Variants in PDE4B observed in about 807,000 individuals in gnomAD.
The protein encoded by PDE4B is phosphodiesterase 4B.
In PDE4B, 20 loss-of-function variants were observed where a neutral mutation model predicts 82.2. The observed-to-expected ratio is 0.24, with a 90% CI of 0.17 to 0.35. The LOEUF is 0.35. PDE4B is among the 10% of genes least tolerant of loss of function. The pLI is 1.00. For missense variants in PDE4B, 655 were observed against 907.2 expected (o/e 0.72, Z 3.57); for synonymous variants, 320 against 318.9 (o/e 1.00, Z -0.04).
intron 1 of PDE4B, among the ~76,000 whole-genome samples, chr1:65,862,668 C>T (rs1273890290): frequency 1.3e-5 from 2 of 152,110 alleles, no homozygotes; most frequent in Non-Finnish European, 2.9e-5. Flanking sequence ...AGCTGTGAAT[C>T]CGTCTGGTCC....
intron 1 of PDE4B, among the ~76,000 whole-genome samples, chr1:65,884,031 TTTTGATGTGCTGCTGGA>T (rs1387819522): frequency 2.0e-5 from 3 of 152,254 alleles, no homozygotes; most frequent in Admixed American, 2.0e-4. Flanking sequence ...TGGATAAGCT[TTTTGATGTGCTGCTGGA>T]TTTGGTTTGC....
chr1:65,985,457 A>G (rs955119486), intron 3 of PDE4B, among the ~76,000 whole-genome samples: 1 of 152,198 alleles, frequency 6.6e-6, no homozygotes, highest in African/African-American at 2.4e-5. Flanking sequence ...AAGACTACTG[A>G]CAAAGTAGGA....
chr1:66,037,956 T>C (rs1654155946), intron 3 of PDE4B, among the ~76,000 whole-genome samples: 1 of 152,150 alleles, frequency 6.6e-6, no homozygotes, highest in South Asian at 2.1e-4. Context: ...ATGGAAGATA[T>C]TAAGAAAATA....
intron 3 of PDE4B, among the ~76,000 whole-genome samples, chr1:66,016,583 G>A (rs1439351135): frequency 6.6e-6 from 1 of 152,068 alleles, no homozygotes; most frequent in Admixed American, 6.6e-5. Context: ...ATGATATCAA[G>A]TGTAATCCAG....
intron 1 of PDE4B, among the ~76,000 whole-genome samples, chr1:65,869,329 A>G (rs1273175818): frequency 6.6e-6 from 1 of 152,218 alleles, no homozygotes; most frequent in Admixed American, 6.5e-5. Flanking sequence ...GGGATATTAA[A>G]TATAATTTAT....
intron 3 of PDE4B, among the ~76,000 whole-genome samples, chr1:66,228,089 C>T (rs1651600618): frequency 6.6e-6 from 1 of 152,250 alleles, no homozygotes; most frequent in Non-Finnish European, 1.5e-5. Flanking sequence ...TAGGCATGCT[C>T]TTGCTTTTGC....
chr1:65,824,532 A>T (rs1379641403), intron 1 of PDE4B, among the ~76,000 whole-genome samples: 1 of 151,740 alleles, frequency 6.6e-6, no homozygotes, highest in Non-Finnish European at 1.5e-5. Flanking sequence ...ATTATGTGGA[A>T]ATATAAAGGA....
intron 8 of PDE4B, chr1:66,354,633 A>G (rs1425756541): frequency 7.3e-7 from 1 of 1,365,138 alleles, no homozygotes; most frequent in Non-Finnish European, 9.4e-7. Context: ...GGAAATAAGC[A>G]GGGAGCATAG....
chr1:65,992,543 A>G (rs573710941), intron 3 of PDE4B: 1 of 179,584 alleles, frequency 5.6e-6, no homozygotes, highest in African/African-American at 2.4e-5. Context: ...AAATGCATGT[A>G]AAGGATTTAT....
At chr1:65,918,913 A>C (rs1647192258) in intron 3 of PDE4B, 78 bp downstream of exon 3, 3 of 899,658 alleles carry the variant, frequency 3.3e-6, no homozygotes, top group Admixed American at 3.8e-5. Flanking sequence ...ATAGTATTAA[A>C]ATGTGAGTTT....
At chr1:66,014,704 C>A (rs1357133449) in intron 3 of PDE4B, among the ~76,000 whole-genome samples, 1 of 152,162 alleles carries the variant, frequency 6.6e-6, no homozygotes, top group African/African-American at 2.4e-5. Context: ...CTCTTTTCTC[C>A]TGGCGAGAAC....
intron 3 of PDE4B, among the ~76,000 whole-genome samples, chr1:66,104,002 T>C (rs1645281946): frequency 6.6e-6 from 1 of 152,034 alleles, no homozygotes; most frequent in Non-Finnish European, 1.5e-5. Flanking sequence ...GTTAGTTACA[T>C]ATGTATACAT....
At chr1:66,033,768 TTTTC>T (rs201899389) in intron 3 of PDE4B, among the ~76,000 whole-genome samples, 1,256 of 90,606 alleles carry the variant, frequency 0.014, 15 homozygotes, top group African/African-American at 0.036. Flanking sequence ...CTCCTTTTAC[TTTTC>T]TTTCTTTCTT....
chr1:66,024,704 A>G (rs868068092), intron 3 of PDE4B, among the ~76,000 whole-genome samples: 1 of 152,102 alleles, frequency 6.6e-6, no homozygotes, highest in African/African-American at 2.4e-5. Context: ...TTTTTGGATC[A>G]GTAAATAGAT....
At chr1:66,072,764 A>C (rs1656217970) in intron 3 of PDE4B, among the ~76,000 whole-genome samples, 1 of 152,156 alleles carries the variant, frequency 6.6e-6, no homozygotes, top group Non-Finnish European at 1.5e-5. Context: ...TTCTAGGAAC[A>C]TCAAGGCAAA....
intron 3 of PDE4B, among the ~76,000 whole-genome samples, chr1:66,207,246 T>A (rs181069486): frequency 1.1e-4 from 16 of 152,328 alleles, no homozygotes; most frequent in Admixed American, 2.0e-4. Context: ...CATTATTTCT[T>A]ACAAATCATA....
chr1:66,287,555 T>A (rs1273892553), intron 7 of PDE4B, among the ~76,000 whole-genome samples: 1 of 151,942 alleles, frequency 6.6e-6, no homozygotes, highest in East Asian at 1.9e-4. Context: ...GAACGGAGGG[T>A]GAGGAGGAAG....
chr1:66,004,976 C>A (rs1332332992), intron 3 of PDE4B, among the ~76,000 whole-genome samples: 4 of 152,028 alleles, frequency 2.6e-5, no homozygotes, highest in African/African-American at 9.6e-5. Context: ...GATTATATAA[C>A]ATTTACAAAT....
intron 3 of PDE4B, among the ~76,000 whole-genome samples, chr1:66,114,321 TA>T: frequency 6.6e-6 from 1 of 152,172 alleles, no homozygotes; most frequent in East Asian, 1.9e-4. Context: ...CTGAACAGAC[TA>T]AGACATGAAT....
Sources: allele counts gnomAD v4.1 joint callset (sites outside exome capture counted in the v4.1 genomes callset), GRCh38; gene constraint gnomAD v4.1.1; transcripts MANE v1.5; gene names NCBI Gene and HGNC (gene_info 2026-07-23, HGNC 2026-07-21).